The following FAM83D variants were observed in gnomAD, a reference collection of about 807,000 sequenced individuals.
FAM83D encodes the protein protein FAM83D.
FAM83D carries 26 observed loss-of-function variants against 25.4 expected under a neutral mutation model. That is an observed-to-expected ratio of 1.02 (90% CI 0.75 to 1.42). The LOEUF (loss-of-function observed/expected upper bound fraction) is 1.42. FAM83D is among the 40% of genes most tolerant of loss of function. The pLI is 0.00. For missense variants in FAM83D, 740 were observed against 758.1 expected, an observed-to-expected ratio of 0.98 and a Z score of 0.28; for synonymous variants, 310 against 318.5, an observed-to-expected ratio of 0.97 and a Z score of 0.28.
chr20:38,942,012 G>T lies in FAM83D; in HGVS notation c.537G>T (p.Leu179=), dbSNP rs762790312. The part of the protein sequence containing the change: ...VFTDIDIFRD[L]QEICRKQGVA... ...CAGACATCGACATCTTCAGAGACCT[G>T]CAAGAAATATGCAGGAAACAGGGAG... Residue 179 remains leucine (L), a synonymous_variant, in exon 2 of 4, where the codon CTG becomes CTT. Coordinates refer to ENST00000619850, the MANE Select transcript of FAM83D (RefSeq NM_030919.3). 2 of 1,614,218 alleles carry T rather than the reference G, an allele frequency of 1.2e-6. No homozygotes were observed. The highest frequency in any genetic ancestry group is 3.3e-5 in the Admixed American group (2 of 60,020).
chr20:38,945,289 T>C (rs547800258), intron 2 of FAM83D, among the ~76,000 whole-genome samples: 7 of 152,176 alleles, frequency 4.6e-5, no homozygotes, highest in Non-Finnish European at 1.0e-4. Flanking sequence ...TTATGCTTAT[T>C]ATATGTTGAT....
intron 1 of FAM83D, among the ~76,000 whole-genome samples, chr20:38,930,557 T>G (rs1443183646): frequency 2.0e-5 from 3 of 151,960 alleles, no homozygotes; most frequent in African/African-American, 7.2e-5. Flanking sequence ...CTTAGCTCAC[T>G]GCAACCTCCA....
intron 1 of FAM83D, among the ~76,000 whole-genome samples, chr20:38,927,805 C>T (rs988111208): frequency 6.6e-6 from 1 of 152,230 alleles, no homozygotes; most frequent in Non-Finnish European, 1.5e-5. Context: ...GGCCCCCTGC[C>T]GCTTTTTCTA....
chr20:38,940,223 G>A (rs1356253184), intron 1 of FAM83D, among the ~76,000 whole-genome samples: 1 of 152,106 alleles, frequency 6.6e-6, no homozygotes, highest in Non-Finnish European at 1.5e-5. Context: ...CATTAAAAGG[G>A]GTGGGGTGGG....
At position 38,951,677 on chromosome 20, in the gene FAM83D, C is replaced by G; in HGVS notation, c.915C>G (p.Phe305Leu). 1 of 1,614,192 alleles carries G rather than the reference C, an allele frequency of 6.2e-7. No individual in the cohort carries two copies. Among genetic ancestry groups the G allele is most frequent in the Non-Finnish European group, 8.5e-7 (1 of 1,180,042 alleles). The part of the protein sequence containing the change: ...KPISPKLLSH[F>L]QSSNKFDHLT... The stretch of plus-strand genomic sequence containing the variant: ...TCAGCCCCAAACTCCTGTCTCACTT[C>G]CAGAGCAGCAACAAGTTTGATCACC... The change falls in exon 4 of 4, where the codon TTC (phenylalanine) becomes TTG (leucine). Residue 305 changes from phenylalanine to leucine, a missense_variant. Coordinates refer to ENST00000619850, the MANE Select transcript of FAM83D (RefSeq NM_030919.3).
chr20:38,926,731 T>G lies in FAM83D; in HGVS notation c.289T>G (p.Ser97Ala). ...CTCGTTCGGCTCCTCGCACGACTGCTCTTCGGGCACCTACTTCCCCGAGCA... is the reference window on the plus strand; with the variant it reads ...CTCGTTCGGCTCCTCGCACGACTGCGCTTCGGGCACCTACTTCCCCGAGCA... ...EDSFGSSHDC[S>A]SGTYFPEQSD... is the part of the protein sequence containing the mutation. Residue 97 changes from serine to alanine, a missense_variant, in exon 1 of 4, where the codon TCT (serine) becomes GCT (alanine). Around this residue, in one of 3 missense-constraint regions of FAM83D, gnomAD observed 333 missense variants for 298.6 expected, o/e 1.12. Transcript: ENST00000619850. 1 of 1,529,204 alleles carries G rather than the reference T, an allele frequency of 6.5e-7. No homozygotes were observed. Among genetic ancestry groups the G allele is most frequent in the Non-Finnish European group, 8.7e-7 (1 of 1,144,792 alleles). The allele number at this position is 1,529,204 out of a possible 1,614,324, so 94.7% of individuals were successfully genotyped here.
chr20:38,948,122 G>C, intron 3 of FAM83D, 122 bp downstream of exon 3: 1 of 1,215,762 alleles, frequency 8.2e-7, no homozygotes, highest in South Asian at 1.5e-5. Context: ...TGATATGCGT[G>C]CATCTGTGTA....
At chr20:38,947,077 G>A (rs894591137) in intron 2 of FAM83D, among the ~76,000 whole-genome samples, 6 of 152,094 alleles carry the variant, frequency 3.9e-5, no homozygotes, top group Non-Finnish European at 5.9e-5. Context: ...AATCTTACAC[G>A]TTTAATTTAA....
rs759786387 is a variant in FAM83D at position 38,952,300 on chromosome 20, C to T, written c.1538C>T (p.Thr513Ile). ...CCTGGCTATCCCAAGTACCTGGGCA[C>T]CCCCCACCTGGAACTGTACTTGAGT... Reference protein sequence around the residue: ...HNPGYPKYLGTPHLELYLSDS... With the variant: ...HNPGYPKYLGIPHLELYLSDS... The change falls in exon 4 of 4, where the codon ACC becomes ATC. Residue 513 changes from threonine (T) to isoleucine (I), a missense_variant. Thr to Ile is a moderately conservative substitution (Grantham distance 89, BLOSUM62 -1). Around this residue, in one of 3 missense-constraint regions of FAM83D, gnomAD observed 375 missense variants for 403.2 expected, o/e 0.93. Transcript: ENST00000619850. 18 of 1,614,048 alleles carry T rather than the reference C, an allele frequency of 1.1e-5. No individual in the cohort carries two copies. Among genetic ancestry groups the T allele is most frequent in the Non-Finnish European group, 1.5e-5 (18 of 1,180,002 alleles).
rs906604979 is a variant in FAM83D at position 38,929,196 on chromosome 20, A to T, written c.483+2271A>T. 1.8e-4 allele frequency among the ~76,000 whole-genome samples: 28 copies of T among 152,118 alleles called. No individual in the cohort carries two copies. In the East Asian group the frequency reaches 5.0e-3, roughly 27 times the overall value. ...CCCTCTCGGAAAAAAAAAAAAAAAA[A>T]AATCCAATGAGTATTTTCAGTGTGT... On this transcript the variant is annotated intron_variant, in intron 1 of 3. Transcript: ENST00000619850.
At chr20:38,944,782 A>G (rs1330315012) in intron 2 of FAM83D, among the ~76,000 whole-genome samples, 1 of 152,130 alleles carries the variant, frequency 6.6e-6, no homozygotes, top group Non-Finnish European at 1.5e-5. Flanking sequence ...TACTAAAAAT[A>G]TAAAAAATTA....
chr20:38,948,747 AC>A (rs1483240944), intron 3 of FAM83D, among the ~76,000 whole-genome samples: 1 of 152,190 alleles, frequency 6.6e-6, no homozygotes, highest in African/African-American at 2.4e-5. Context: ...GAAACACACA[AC>A]CCTGAGTGAT....
rs559144194 is a variant in FAM83D at position 38,926,585 on chromosome 20, C to T, written c.143C>T (p.Ala48Val). ...ELVAGGPEAF[A>V]AFLRRERLAR... ...GTGGCGGGCGGCCCCGAAGCCTTCG[C>T]GGCCTTCCTGCGACGCGAGCGCCTG... The change falls in exon 1 of 4, where the codon GCG (alanine) becomes GTG (valine). Residue 48 changes from alanine (A) to valine (V), a missense_variant. Ala to Val is a moderately conservative substitution (Grantham distance 64). Transcript: ENST00000619850. 2 of 1,553,278 alleles carry T rather than the reference C, an allele frequency of 1.3e-6. No homozygotes were observed. Among genetic ancestry groups the T allele is most frequent in the South Asian group, 1.2e-5 (1 of 86,440 alleles).
At chr20:38,949,362 G>A (rs891704727) in intron 3 of FAM83D, among the ~76,000 whole-genome samples, 9 of 152,020 alleles carry the variant, frequency 5.9e-5, no homozygotes, top group African/African-American at 1.9e-4. Context: ...GTTTCGCCAC[G>A]TTGGCCAGGA....
rs766822413 is a variant in FAM83D at position 38,951,610 on chromosome 20, T to G, written c.848T>G (p.Phe283Cys). 2 of 1,614,196 alleles carry G rather than the reference T, an allele frequency of 1.2e-6. No homozygotes were observed. The highest frequency in any genetic ancestry group is 4.5e-5 in the East Asian group (2 of 44,880). The change falls in exon 4 of 4, where the codon TTT becomes TGT. Residue 283 changes from phenylalanine (F) to cysteine (C), a missense_variant. Phe to Cys is a radical substitution (Grantham distance 205). This residue lies in a region of FAM83D where 375 missense variants were observed against 403.2 expected (regional missense o/e 0.93). Coordinates refer to ENST00000619850, the MANE Select transcript of FAM83D (RefSeq NM_030919.3). ...VILSGQVVEH[F>C]DLEFRILYAQ... ...CTGTCTGGCCAAGTGGTTGAACACT[T>G]TGATCTGGAGTTCCGAATCCTGTAT...
At chr20:38,949,397 T>G (rs7271420) in intron 3 of FAM83D, among the ~76,000 whole-genome samples, 1 of 152,116 alleles carries the variant, frequency 6.6e-6, no homozygotes, top group Admixed American at 6.5e-5. Context: ...TGACCTCAGG[T>G]GATCCGCTGG....
chr20:38,943,530 C>A (rs2085712293), intron 2 of FAM83D, among the ~76,000 whole-genome samples: 1 of 152,144 alleles, frequency 6.6e-6, no homozygotes, highest in African/African-American at 2.4e-5. Flanking sequence ...TGCTGCTGTT[C>A]ATTTCTCATT....
intron 2 of FAM83D, among the ~76,000 whole-genome samples, chr20:38,945,065 G>A (rs1278705857): frequency 6.6e-6 from 1 of 152,062 alleles, no homozygotes; most frequent in African/African-American, 2.4e-5. Context: ...GTGAATTTGT[G>A]CCCCTTGCTG....
intron 1 of FAM83D, among the ~76,000 whole-genome samples, chr20:38,938,556 ACT>A (rs1568696991): frequency 6.6e-6 from 1 of 152,038 alleles, no homozygotes; most frequent in Non-Finnish European, 1.5e-5. Context: ...TGTGAGCTCT[ACT>A]CTCATTTGTA....
Sources: gnomAD v4.1 joint callset for allele counts (sites outside exome capture counted in the v4.1 genomes callset) on GRCh38, gnomAD v4.1.1 for gene constraint, gnomAD v4.1.1 regional missense constraint, MANE v1.5 for transcripts, NCBI Gene and HGNC (gene_info 2026-07-23, HGNC 2026-07-21) for gene names.